DTNA: variants seen among roughly 807,000 people sequenced by gnomAD.
The protein encoded by DTNA is dystrobrevin alpha.
In DTNA, 43 loss-of-function variants were observed where a neutral mutation model predicts 100.7. The observed-to-expected ratio is 0.43, with a 90% CI of 0.33 to 0.55. The LOEUF (loss-of-function observed/expected upper bound fraction) is 0.55. Ranked by LOEUF, DTNA falls within the 20% of genes least tolerant of loss-of-function variation. The pLI is 0.04. For missense variants in DTNA, 798 were observed against 953.9 expected, an observed-to-expected ratio of 0.84 and a Z score of 2.15; for synonymous variants, 349 against 347.9, an observed-to-expected ratio of 1.00 and a Z score of -0.04.
At chr18:34,787,367 A>G (rs148046673) in intron 3 of DTNA, among the ~76,000 whole-genome samples, 12 of 152,276 alleles carry the variant, frequency 7.9e-5, no homozygotes, top group African/African-American at 2.9e-4. Flanking sequence ...GAATTTTGAG[A>G]TCATCAAATG....
Position 34,884,717 on chromosome 18 carries a change from G to T in DTNA, c.2296-11G>T. ...GTCACCTTTCTCGTTTGTGTCCTTTGTCACCCACAGGTCAGCTTGCAAGGT... is the reference window on the plus strand; with the variant it reads ...GTCACCTTTCTCGTTTGTGTCCTTTTTCACCCACAGGTCAGCTTGCAAGGT... On this transcript the variant is annotated splice_polypyrimidine_tract_variant and intron_variant, in intron 21 of 22. Transcript: ENST00000444659. 1 of 1,614,000 alleles carries T rather than the reference G, an allele frequency of 6.2e-7. No homozygotes were observed.
Position 34,714,805 on chromosome 18 carries a change from G to C in DTNA, c.-2+4360G>C, listed in dbSNP as rs1369100522. Among the ~76,000 whole-genome samples, 71 of 152,038 alleles carry C rather than the reference G, an allele frequency of 4.7e-4. 1 individual carries two copies. Among genetic ancestry groups the C allele is most frequent in the Admixed American group, 2.4e-3 (36 of 15,248 alleles). On this transcript the variant is annotated intron_variant, in intron 1 of 22. Transcript: ENST00000444659. ...CACGATAGCAAAGACTTGGAACCAA[G>C]CCAAACGTCCAACAATGATAGACTG...
At chr18:34,858,426 G>C in intron 16 of DTNA, 28 bp downstream of exon 16, 1 of 1,604,704 alleles carries the variant, frequency 6.2e-7, no homozygotes, top group Non-Finnish European at 8.5e-7. Context: ...TGTCATCTCA[G>C]GGAATATATA....
At position 34,540,738 on chromosome 18, in the gene DTNA, A is replaced by G. The variant is rs189686600; in HGVS notation, c.-2+47224A>G. 1.8e-3 allele frequency among the ~76,000 whole-genome samples: 274 copies of G among 152,234 alleles called. 1 individual carries two copies. Among genetic ancestry groups the G allele is most frequent in the African/African-American group, 5.8e-3 (243 of 41,570 alleles). Reference sequence around the variant, plus strand: ...GGGAAAATCTAGATTATTTAGGCAAAACATAAACTATCCAGAATAAAAAAT... The same window carrying G: ...GGGAAAATCTAGATTATTTAGGCAAGACATAAACTATCCAGAATAAAAAAT... On this transcript the variant is annotated intron_variant, in intron 1 of 19. Coordinates refer to the DTNA transcript ENST00000283365.
chr18:34,793,349 C>T (rs1904806), intron 3 of DTNA, among the ~76,000 whole-genome samples: 2 of 151,900 alleles, frequency 1.3e-5, no homozygotes, highest in African/African-American at 4.8e-5. Context: ...TGAAAGTAAC[C>T]ATGACTTAAA....
intron 1 of DTNA, among the ~76,000 whole-genome samples, chr18:34,732,611 T>TA (rs1219323138): frequency 6.6e-6 from 1 of 152,224 alleles, no homozygotes; most frequent in African/African-American, 2.4e-5. Context: ...TTTGAATTTT[T>TA]AAAAATCCAT....
chr18:34,725,279 T>G (rs2086358467), intron 1 of DTNA, among the ~76,000 whole-genome samples: 1 of 151,652 alleles, frequency 6.6e-6, no homozygotes, highest in African/African-American at 2.4e-5. Context: ...TTCTGCACAG[T>G]AAAAGAAACT....
chr18:34,792,346 T>C (rs1164247651), intron 3 of DTNA, among the ~76,000 whole-genome samples: 1 of 152,192 alleles, frequency 6.6e-6, no homozygotes, highest in African/African-American at 2.4e-5. Context: ...TTTGTTATTA[T>C]AATGGAAGAA....
chr18:34,671,212 C>T (rs1437520280), intron 1 of DTNA, among the ~76,000 whole-genome samples: 3 of 152,266 alleles, frequency 2.0e-5, no homozygotes, highest in East Asian at 1.9e-4. Context: ...GTGGGTGGGG[C>T]GTGAGACCCT....
At position 34,556,548 on chromosome 18, in the gene DTNA, G is replaced by T. The variant is rs867216761; in HGVS notation, c.-2+63034G>T. Among the ~76,000 whole-genome samples, 121 of 152,054 alleles carry T rather than the reference G, an allele frequency of 8.0e-4. 1 individual carries two copies. Among genetic ancestry groups the T allele is most frequent in the South Asian group, 7.3e-3 (35 of 4,782 alleles). On this transcript the variant is annotated intron_variant, in intron 1 of 19. Coordinates refer to the DTNA transcript ENST00000283365. ...CATGTTTAGTGCTTCCTTCAGGAGCGCTTTTAGGGCAGGCCTGGTGGTGAC... is the reference window on the plus strand; with the variant it reads ...CATGTTTAGTGCTTCCTTCAGGAGCTCTTTTAGGGCAGGCCTGGTGGTGAC...
At chr18:34,565,391 G>A (rs2046994309) in intron 1 of DTNA, among the ~76,000 whole-genome samples, 1 of 152,208 alleles carries the variant, frequency 6.6e-6, no homozygotes. Context: ...CTGGGCCCTT[G>A]GGCAGGGGGA....
At chr18:34,818,606 C>A (rs1397732126) in intron 8 of DTNA, 1 of 1,272,900 alleles carries the variant, frequency 7.9e-7, no homozygotes, top group Non-Finnish European at 1.0e-6. Context: ...TAAATAACAA[C>A]TGAATAGCAA....
intron 1 of DTNA, among the ~76,000 whole-genome samples, chr18:34,738,316 A>G (rs1300975627): frequency 6.6e-6 from 1 of 152,218 alleles, no homozygotes; most frequent in African/African-American, 2.4e-5. Flanking sequence ...CATGTCTACT[A>G]TAAATTAGCT....
At chr18:34,663,642 A>G (rs1483105611) in intron 1 of DTNA, among the ~76,000 whole-genome samples, 3 of 152,178 alleles carry the variant, frequency 2.0e-5, no homozygotes, top group Admixed American at 2.0e-4. Flanking sequence ...TGATTATTTC[A>G]GCAGGGGTAT....
Position 34,851,325 on chromosome 18 carries a change from C to T in DTNA, c.1435-506C>T, listed in dbSNP as rs1245090096. 2.0e-5 allele frequency among the ~76,000 whole-genome samples: 3 copies of T among 152,140 alleles called. No individual in the cohort carries two copies. In the East Asian group the frequency reaches 5.8e-4, roughly 29 times the overall value. ...CCATGTTGGCCAGACTGGTCTCAAACTCCTGACCACAAGTGATCCGCCCGC... is the reference window on the plus strand; with the variant it reads ...CCATGTTGGCCAGACTGGTCTCAAATTCCTGACCACAAGTGATCCGCCCGC... On this transcript the variant is annotated intron_variant, in intron 14 of 22. Transcript: ENST00000444659.
chr18:34,877,274 C>T (rs936045300), intron 18 of DTNA, among the ~76,000 whole-genome samples: 2 of 152,178 alleles, frequency 1.3e-5, no homozygotes, highest in African/African-American at 4.8e-5. Flanking sequence ...ATCTAAAGGG[C>T]TCAGCCACCA....
intron 1 of DTNA, among the ~76,000 whole-genome samples, chr18:34,695,050 A>G (rs1026305305): frequency 6.6e-6 from 1 of 152,180 alleles, no homozygotes; most frequent in African/African-American, 2.4e-5. Context: ...TCCTTTGGCA[A>G]AGAACATTTG....
chr18:34,866,178 C>G lies in DTNA; in HGVS notation c.1743+2116C>G, dbSNP rs759711820. On this transcript the variant is annotated intron_variant, in intron 17 of 22. Coordinates refer to ENST00000444659, the MANE Select transcript of DTNA (RefSeq NM_001386795.1). The stretch of plus-strand genomic sequence containing the variant: ...AGGTCTTAACTAACAGTGGAGGGGC[C>G]TGCCGACCTGCGGTTTTCTCATTGC... The G allele has an allele frequency of 2.5e-6, 4 of 1,614,152 alleles. No homozygotes were observed. The South Asian group carries it at 4.4e-5, about 18-fold the overall frequency.
chr18:34,548,437 T>A (rs1353648421), intron 1 of DTNA, among the ~76,000 whole-genome samples: 1 of 152,124 alleles, frequency 6.6e-6, no homozygotes, highest in East Asian at 1.9e-4. Context: ...TCTTTCTCAG[T>A]AGAAACAATC....
Sources: allele counts gnomAD v4.1 joint callset (sites outside exome capture counted in the v4.1 genomes callset), GRCh38; gene constraint gnomAD v4.1.1; transcripts MANE v1.5; gene names NCBI Gene and HGNC (gene_info 2026-07-23, HGNC 2026-07-21).